The following PRKAR1B variants were observed in gnomAD, a reference collection of about 807,000 sequenced individuals.
The protein encoded by PRKAR1B is cAMP-dependent protein kinase type I-beta regulatory subunit.
PRKAR1B carries 22 observed loss-of-function variants against 46.5 expected under a neutral mutation model. The observed-to-expected ratio is 0.47, with a 90% confidence interval of 0.34 to 0.68. PRKAR1B has a LOEUF of 0.68. Ranked by LOEUF, PRKAR1B falls within the 30% of genes least tolerant of loss-of-function variation. PRKAR1B has a pLI of 0.01. For missense variants in PRKAR1B, 445 were observed against 535.6 expected, an observed-to-expected ratio of 0.83 and a Z score of 1.67; for synonymous variants, 259 against 217.7, an observed-to-expected ratio of 1.19 and a Z score of -1.67.
intron 4 of PRKAR1B, among the ~76,000 whole-genome samples, chr7:639,248 G>A (rs575600448): frequency 5.5e-4 from 84 of 152,228 alleles, no homozygotes; most frequent in African/African-American, 1.9e-3. Context: ...TTAGTAAAAC[G>A]GATTTGTACT....
chr7:727,356 T>G, upstream of PRKAR1B: 4 of 1,016,716 alleles, frequency 3.9e-6, no homozygotes, highest in Non-Finnish European at 4.7e-6. Flanking sequence ...CACCCCACAC[T>G]CTCACCCCCA....
At chr7:694,022 C>T (rs1239594251) in intron 2 of PRKAR1B, among the ~76,000 whole-genome samples, 4 of 152,240 alleles carry the variant, frequency 2.6e-5, no homozygotes, top group African/African-American at 9.6e-5. Context: ...TGGTGGCTCA[C>T]GCCTGTAATC....
intron 7 of PRKAR1B, among the ~76,000 whole-genome samples, chr7:592,776 T>C (rs1312783397): frequency 2.6e-5 from 4 of 152,160 alleles, no homozygotes; most frequent in Non-Finnish European, 4.4e-5. Context: ...CTCACACCTA[T>C]AGACCCAGCA....
intron 2 of PRKAR1B, among the ~76,000 whole-genome samples, chr7:689,005 G>C (rs1253545161): frequency 6.6e-6 from 1 of 152,142 alleles, no homozygotes; most frequent in East Asian, 1.9e-4. Flanking sequence ...GATCCCCCCA[G>C]GGGAAGCAAA....
At chr7:654,117 T>TTCATCACCATCACCA (rs902886938) in intron 4 of PRKAR1B, among the ~76,000 whole-genome samples, 2 of 149,168 alleles carry the variant, frequency 1.3e-5, no homozygotes, top group African/African-American at 5.0e-5. Context: ...CCTCACCATC[T>TTCATCACCATCACCA]TCATCACCAT....
intron 2 of PRKAR1B, among the ~76,000 whole-genome samples, chr7:682,605 TG>T (rs1381843808): frequency 1.3e-5 from 2 of 151,870 alleles, no homozygotes; most frequent in Non-Finnish European, 2.9e-5. Flanking sequence ...ATTAGCTGGG[TG>T]TGGTGGCAGG....
intron 1 of PRKAR1B, among the ~76,000 whole-genome samples, chr7:723,793 C>T (rs1424687305): frequency 6.6e-6 from 1 of 152,204 alleles, no homozygotes; most frequent in Non-Finnish European, 1.5e-5. Flanking sequence ...TCCCTGCCTG[C>T]TCCCCTGTGA....
At chr7:674,641 T>C (rs1411965381) in intron 4 of PRKAR1B, among the ~76,000 whole-genome samples, 1 of 151,828 alleles carries the variant, frequency 6.6e-6, no homozygotes, top group Non-Finnish European at 1.5e-5. Context: ...CACCCAGCTA[T>C]TCCAGCCACA....
intron 9 of PRKAR1B, among the ~76,000 whole-genome samples, chr7:573,760 C>A (rs974998708): frequency 6.6e-6 from 1 of 152,222 alleles, no homozygotes; most frequent in Non-Finnish European, 1.5e-5. Context: ...GGAAGTTGTG[C>A]TCGCAAGACT....
At chr7:642,906 C>A (rs1279389777) in intron 4 of PRKAR1B, among the ~76,000 whole-genome samples, 1 of 151,244 alleles carries the variant, frequency 6.6e-6, no homozygotes, top group Non-Finnish European at 1.5e-5. Flanking sequence ...GGTTCAAATC[C>A]CCGTCCCGCC....
intron 9 of PRKAR1B, among the ~76,000 whole-genome samples, chr7:573,989 C>A (rs758759466): frequency 1.3e-5 from 2 of 152,238 alleles, no homozygotes; most frequent in African/African-American, 4.8e-5. Flanking sequence ...GGCACATACT[C>A]AACACTCAGA....
chr7:635,765 T>C (rs1456569304), intron 4 of PRKAR1B, among the ~76,000 whole-genome samples: 2 of 151,922 alleles, frequency 1.3e-5, no homozygotes, highest in Non-Finnish European at 2.9e-5. Context: ...AGTGCAAAGG[T>C]AAGGAGGTGA....
At chr7:679,356 C>T (rs1001549894) in intron 3 of PRKAR1B, among the ~76,000 whole-genome samples, 3 of 152,200 alleles carry the variant, frequency 2.0e-5, no homozygotes, top group Non-Finnish European at 4.4e-5. Flanking sequence ...AACAGTTCTT[C>T]ACACTCTCCT....
At chr7:586,069 T>A (rs1780576407) in intron 7 of PRKAR1B, among the ~76,000 whole-genome samples, 1 of 152,192 alleles carries the variant, frequency 6.6e-6, no homozygotes, top group East Asian at 1.9e-4. Flanking sequence ...CATGTGGAGA[T>A]GATGGCTGGG....
intron 9 of PRKAR1B, among the ~76,000 whole-genome samples, chr7:558,879 G>A (rs534560875): frequency 4.6e-4 from 70 of 152,324 alleles, no homozygotes; most frequent in African/African-American, 1.5e-3. Flanking sequence ...CCAACGCTTC[G>A]GCTCAGAGGT....
At chr7:571,230 C>A (rs995737509) in intron 9 of PRKAR1B, among the ~76,000 whole-genome samples, 2 of 152,050 alleles carry the variant, frequency 1.3e-5, no homozygotes, top group Non-Finnish European at 2.9e-5. Context: ...AGGAGCCTCG[C>A]AGCGCAGGCC....
chr7:663,686 A>G (rs1355350829), intron 4 of PRKAR1B, among the ~76,000 whole-genome samples: 1 of 152,090 alleles, frequency 6.6e-6, no homozygotes, highest in Non-Finnish European at 1.5e-5. Flanking sequence ...CGGTGGCCCG[A>G]AGCAGGTGGC....
intron 4 of PRKAR1B, among the ~76,000 whole-genome samples, chr7:634,768 T>C (rs1375705555): frequency 6.6e-6 from 1 of 151,450 alleles, no homozygotes; most frequent in African/African-American, 2.4e-5. Flanking sequence ...GCCTCCCGAG[T>C]AGCTGGGATT....
intron 4 of PRKAR1B, among the ~76,000 whole-genome samples, chr7:641,241 C>A (rs1322759078): frequency 6.6e-6 from 1 of 152,176 alleles, no homozygotes; most frequent in Non-Finnish European, 1.5e-5. Flanking sequence ...CGTGAGCCAC[C>A]GCGCCCGGCC....
Sources: gnomAD v4.1 joint callset for allele counts (sites outside exome capture counted in the v4.1 genomes callset) on GRCh38, gnomAD v4.1.1 for gene constraint, MANE v1.5 for transcripts, NCBI Gene and HGNC (gene_info 2026-07-23, HGNC 2026-07-21) for gene names.